The following SEMA4D variants were observed in gnomAD, a reference collection of about 807,000 sequenced individuals.
SEMA4D encodes semaphorin-4D.
Under a neutral mutation model 74.8 loss-of-function variants are expected in SEMA4D, and 22 were observed. The observed-to-expected ratio is 0.29, with a 90% CI of 0.21 to 0.42. SEMA4D has a LOEUF of 0.42. Among genes scored for constraint, SEMA4D ranks in the 10% least tolerant of loss-of-function variants. SEMA4D has a pLI of 1.00. For missense variants in SEMA4D, 937 were observed against 1,118.4 expected (o/e 0.84, Z 2.31); for synonymous variants, 445 against 463.7 (o/e 0.96, Z 0.52).
Position 89,377,531 on chromosome 9 carries a change from G to C in SEMA4D, c.*1173C>G, listed in dbSNP as rs1367951314. On this transcript the variant is annotated 3_prime_UTR_variant, in exon 16 of 16. Transcript: ENST00000422704. ...CATTCACATCTTCAGGACAGTGGCA[G>C]GAACAGCGCCGTATGCTTGAGGGTG... is the stretch of plus-strand genomic sequence containing the variant. 1 of 152,804 alleles carries C rather than the reference G, an allele frequency of 6.5e-6. No individual in the cohort carries two copies. The highest frequency in any genetic ancestry group is 2.4e-5 in the African/African-American group (1 of 41,444). The allele number at this position is 152,804 out of a possible 1,614,324, so 9.5% of individuals were successfully genotyped here. A position where few individuals can be genotyped will look rare whatever the true frequency, so the allele number is the denominator to read the frequency against.
intron 2 of SEMA4D, among the ~76,000 whole-genome samples, chr9:89,423,595 G>A (rs75719234): frequency 0.012 from 1,839 of 152,178 alleles, 35 homozygotes; most frequent in African/African-American, 0.042. Context: ...CTGCAGTGCC[G>A]GCTGTGAGGC....
intron 2 of SEMA4D, among the ~76,000 whole-genome samples, chr9:89,407,470 A>G (rs1367588087): frequency 3.3e-5 from 5 of 152,236 alleles, no homozygotes; most frequent in Non-Finnish European, 5.9e-5. Context: ...AGACTTGCTA[A>G]TAAAATTATT....
chr9:89,424,532 A>G (rs752587882), intron 2 of SEMA4D, among the ~76,000 whole-genome samples: 15 of 151,454 alleles, frequency 9.9e-5, no homozygotes, highest in Non-Finnish European at 1.5e-4. Context: ...CCCGACTCCA[A>G]ATTCCTTCGA....
Position 89,497,974 on chromosome 9 carries a change from G to C in SEMA4D, c.-365C>G, listed in dbSNP as rs1440282958. 6.8e-6 allele frequency: 1 copy of C among 147,868 alleles called. No homozygotes were observed. Among genetic ancestry groups the C allele is most frequent in the Non-Finnish European group, 1.5e-5 (1 of 66,192 alleles). The allele number at this position is 147,868 out of a possible 1,614,324, so 9.2% of individuals were successfully genotyped here. ...CCGGCCGGGCGAGTTCGGGCGCCAG[G>C]AATGGCGGCGGCGGCGGCGGCGGCA... On this transcript the variant is annotated 5_prime_UTR_variant, in exon 1 of 16. Transcript: ENST00000422704.
intron 16 of SEMA4D, among the ~76,000 whole-genome samples, chr9:89,370,124 G>T (rs1834322131): frequency 6.6e-6 from 1 of 151,854 alleles, no homozygotes; most frequent in Admixed American, 6.6e-5. Context: ...TGTGTGTGGT[G>T]TGTGTTGGTA....
chr9:89,415,258 C>G (rs761646990), intron 2 of SEMA4D, among the ~76,000 whole-genome samples: 8 of 152,202 alleles, frequency 5.3e-5, no homozygotes, highest in Non-Finnish European at 7.3e-5. Flanking sequence ...CTTCCACTGG[C>G]CTAATGTTGA....
chr9:89,369,948 G>T (rs1834285140), intron 16 of SEMA4D, among the ~76,000 whole-genome samples: 1 of 151,930 alleles, frequency 6.6e-6, no homozygotes, highest in African/African-American at 2.4e-5. Flanking sequence ...TATGTGGTGT[G>T]TATGTGCTTT....
At chr9:89,384,753 G>A (rs1393208613) in intron 13 of SEMA4D, 14 of 985,306 alleles carry the variant, frequency 1.4e-5, no homozygotes, top group African/African-American at 8.7e-5. Context: ...GGGGGAGGGC[G>A]TGGTACTGGC....
At chr9:89,480,412 C>G (rs553153601) in intron 1 of SEMA4D, among the ~76,000 whole-genome samples, 1 of 152,226 alleles carries the variant, frequency 6.6e-6, no homozygotes, top group Non-Finnish European at 1.5e-5. Context: ...CTGTGCCGTG[C>G]GCTCGCATTC....
At position 89,481,648 on chromosome 9, in the gene SEMA4D, GAGA is replaced by G. The variant is rs556786811; in HGVS notation, c.-310+16268_-310+16270del. Among the ~76,000 whole-genome samples, 551 of 152,380 alleles carry G rather than the reference GAGA, an allele frequency of 3.6e-3. 3 individuals carry two copies. The highest frequency in any genetic ancestry group is 6.1e-3 in the Admixed American group (94 of 15,312). ...ACCGGAATACGTGGTGGCAAGGCAAGAGAAGAAGACCCTGGGTGAGCTCAAGCC... is the reference window on the plus strand; with the variant it reads ...ACCGGAATACGTGGTGGCAAGGCAAGAGAAGACCCTGGGTGAGCTCAAGCC... On this transcript the variant is annotated intron_variant, in intron 1 of 15. Coordinates refer to ENST00000422704, the MANE Select transcript of SEMA4D (RefSeq NM_001371194.2).
intron 2 of SEMA4D, among the ~76,000 whole-genome samples, chr9:89,419,873 C>T (rs147968075): frequency 8.0e-4 from 121 of 152,076 alleles, no homozygotes; most frequent in East Asian, 1.5e-3. Flanking sequence ...GCCAAGATCG[C>T]GCCATTGCAC....
Position 89,381,322 on chromosome 9 carries a change from A to C in SEMA4D, c.1471T>G (p.Ser491Ala). ...KKGNRFVYAGSNSGVVQAPLA... is the reference protein window; with the variant it reads ...KKGNRFVYAGANSGVVQAPLA... ...GGGGCCTGGACCACGCCCGAGTTAG[A>C]GCCAGCATAGACAAACCTGTTGCCC... The change falls in exon 14 of 16, where the codon TCT becomes GCT. Residue 491 changes from serine to alanine, a missense_variant. Transcript: ENST00000422704. This position sits in a 1 kb window ranked among gnomAD's most constrained non-coding sequence, Gnocchi z 4.6. 6.6e-7 allele frequency: 1 copy of C among 1,509,724 alleles called. No individual in the cohort carries two copies. The highest frequency in any genetic ancestry group is 8.9e-7 in the Non-Finnish European group (1 of 1,125,110). 93.5% of individuals were successfully genotyped at this position (1,509,724 alleles called of 1,614,324 possible). A position where few individuals can be genotyped will look rare whatever the true frequency, so the allele number is the denominator to read the frequency against.
intron 2 of SEMA4D, among the ~76,000 whole-genome samples, chr9:89,433,223 G>C (rs988307719): frequency 6.6e-6 from 1 of 152,356 alleles, no homozygotes; most frequent in Non-Finnish European, 1.5e-5. Context: ...GGATGTAGCA[G>C]TGACCCCCTG....
rs374901596 is a variant in SEMA4D, at chr9:89,387,590, G to A, written c.1126C>T (p.Arg376Trp). 2.5e-5 allele frequency: 41 copies of A among 1,613,974 alleles called. No individual in the cohort carries two copies. Among genetic ancestry groups the A allele is most frequent in the Admixed American group, 6.7e-5 (4 of 60,010 alleles). The change falls in exon 12 of 16, where the codon CGG becomes TGG. Residue 376 changes from arginine (R) to tryptophan (W), a missense_variant. Coordinates refer to ENST00000422704, the MANE Select transcript of SEMA4D (RefSeq NM_001371194.2). ...RPGACIDSEARAANYTSSLNL... is the reference protein window; with the variant it reads ...RPGACIDSEAWAANYTSSLNL... The stretch of plus-strand genomic sequence containing the variant: ...AAGGAGCTGGTGTAGTTGGCGGCCC[G>A]TGCCTCGCTGTCGATGCACTGCAGG...
chr9:89,421,110 C>G (rs1385306724), intron 2 of SEMA4D, among the ~76,000 whole-genome samples: 1 of 152,242 alleles, frequency 6.6e-6, no homozygotes, highest in East Asian at 1.9e-4. Flanking sequence ...TCGGGGCTTC[C>G]CCAGGTCCAC....
chr9:89,375,807 G>A (rs1423159169), downstream of SEMA4D, among the ~76,000 whole-genome samples: 7 of 152,122 alleles, frequency 4.6e-5, no homozygotes, highest in South Asian at 2.1e-4. Flanking sequence ...TCCAATCCAG[G>A]GCAAATGCCT....
intron 13 of SEMA4D, chr9:89,384,885 T>C: frequency 1.0e-6 from 1 of 985,390 alleles, no homozygotes; most frequent in Non-Finnish European, 1.2e-6. Flanking sequence ...CACCCCCACC[T>C]GGAGCCTACT....
At chr9:89,415,761 G>A (rs1275362424) in intron 2 of SEMA4D, among the ~76,000 whole-genome samples, 1 of 152,132 alleles carries the variant, frequency 6.6e-6, no homozygotes, top group Non-Finnish European at 1.5e-5. Flanking sequence ...TGAGCAGCCT[G>A]AGCTGACTGA....
At chr9:89,472,398 G>T in intron 1 of SEMA4D, 1 of 335,790 alleles carries the variant, frequency 3.0e-6, no homozygotes, top group Non-Finnish European at 5.8e-6. Flanking sequence ...TGATCACTGG[G>T]CATCCAAGAA....
Sources: allele counts gnomAD v4.1 joint callset (sites outside exome capture counted in the v4.1 genomes callset), GRCh38; gene constraint gnomAD v4.1.1; non-coding constraint Gnocchi (gnomAD v3.1); transcripts MANE v1.5; gene names NCBI Gene and HGNC (gene_info 2026-07-23, HGNC 2026-07-21).